The following ROBO2 variants were observed in gnomAD, a reference collection of about 807,000 sequenced individuals.
ROBO2 encodes the protein roundabout guidance receptor 2, also known as roundabout homolog 2.
A neutral mutation model predicts 160.8 loss-of-function variants in ROBO2; 53 were observed. That is an observed-to-expected ratio of 0.33 (90% CI 0.26 to 0.41). The LOEUF (loss-of-function observed/expected upper bound fraction) is 0.41. ROBO2 is among the 10% of genes least tolerant of loss of function. The pLI is 1.00. For missense variants in ROBO2, 1,577 were observed against 1,722.4 expected (o/e 0.92, Z 1.49); for synonymous variants, 664 against 611.7 (o/e 1.09, Z -1.26).
intron 2 of ROBO2, among the ~76,000 whole-genome samples, chr3:76,256,764 A>G (rs1485683371): frequency 6.6e-6 from 1 of 152,008 alleles, no homozygotes; most frequent in Non-Finnish European, 1.5e-5. Flanking sequence ...TGGGTAATTT[A>G]TAAGAAAAAG....
chr3:77,188,983 G>GAA (rs1553829033), intron 2 of ROBO2, among the ~76,000 whole-genome samples: 42 of 148,468 alleles, frequency 2.8e-4, no homozygotes, highest in South Asian at 1.3e-3. Flanking sequence ...GAGAGAGAGA[G>GAA]AGAGAGAGAG....
chr3:76,792,299 C>T lies in ROBO2; in HGVS notation c.110-305715C>T, dbSNP rs189517585. The stretch of plus-strand genomic sequence containing the variant: ...TATTTGAGAATGTATACTTAACTGT[C>T]TAAATTTTCTTAAATTATGCTATAT... On this transcript the variant is annotated intron_variant, in intron 2 of 26. Coordinates refer to the ROBO2 transcript ENST00000487694. Among the ~76,000 whole-genome samples, 19 of 151,888 alleles carry T rather than the reference C, an allele frequency of 1.3e-4. No individual in the cohort carries two copies. The East Asian group carries it at 3.5e-3, about 28-fold the overall frequency.
At chr3:77,253,505 C>T (rs2090610474) in intron 2 of ROBO2, among the ~76,000 whole-genome samples, 1 of 152,054 alleles carries the variant, frequency 6.6e-6, no homozygotes, top group African/African-American at 2.4e-5. Context: ...AAAATTAAAT[C>T]TGGTATTCTT....
intron 14 of ROBO2, among the ~76,000 whole-genome samples, chr3:77,577,210 C>T (rs541657484): frequency 2.7e-4 from 41 of 152,202 alleles, no homozygotes; most frequent in African/African-American, 9.6e-4. Flanking sequence ...AAACCTGACA[C>T]TTAGCTCTGT....
intron 2 of ROBO2, among the ~76,000 whole-genome samples, chr3:76,555,413 A>G (rs1475294196): frequency 1.5e-5 from 1 of 68,824 alleles, no homozygotes; most frequent in African/African-American, 3.0e-5. Flanking sequence ...AAGAAGAAGA[A>G]GAAGAAAGAA....
rs189339887 is a variant in ROBO2, at chr3:76,042,276, G to A, written c.109+104674G>A. Reference sequence around the variant, plus strand: ...TGATTTTAATGCATGATATGCAGGTGTATATAAGAACTTTGCTAATAGTTG... The same window carrying A: ...TGATTTTAATGCATGATATGCAGGTATATATAAGAACTTTGCTAATAGTTG... On this transcript the variant is annotated intron_variant, in intron 2 of 26. Coordinates refer to the ROBO2 transcript ENST00000487694. 9.1e-4 allele frequency among the ~76,000 whole-genome samples: 139 copies of A among 152,110 alleles called. 2 individuals carry two copies. The highest frequency in any genetic ancestry group is 3.2e-3 in the African/African-American group (132 of 41,394).
At chr3:77,381,375 T>C (rs189268026) in intron 2 of ROBO2, among the ~76,000 whole-genome samples, 2 of 152,092 alleles carry the variant, frequency 1.3e-5, no homozygotes, top group East Asian at 1.9e-4. Context: ...ATAGAATCTA[T>C]AGAAGGTCTA....
chr3:76,716,378 C>T (rs2093379427), intron 2 of ROBO2, among the ~76,000 whole-genome samples: 1 of 152,140 alleles, frequency 6.6e-6, no homozygotes, highest in East Asian at 1.9e-4. Context: ...TTTTCTCACC[C>T]ATCTTTTCCT....
At chr3:77,105,529 AT>A (rs2072676895) in intron 2 of ROBO2, among the ~76,000 whole-genome samples, 1 of 152,078 alleles carries the variant, frequency 6.6e-6, no homozygotes, top group Non-Finnish European at 1.5e-5. Context: ...GTGCCTTTTA[AT>A]TTTGCCATAC....
At chr3:76,525,538 G>GA (rs1228954443) in intron 2 of ROBO2, among the ~76,000 whole-genome samples, 2 of 151,768 alleles carry the variant, frequency 1.3e-5, no homozygotes, top group Non-Finnish European at 2.9e-5. Flanking sequence ...TATTTAAACT[G>GA]AAAAAAATTC....
chr3:76,282,490 A>G (rs1268422595), intron 2 of ROBO2, among the ~76,000 whole-genome samples: 3 of 152,088 alleles, frequency 2.0e-5, no homozygotes, highest in African/African-American at 7.2e-5. Flanking sequence ...TCTAAAAAAT[A>G]GCTAGTCATT....
At chr3:76,663,562 C>G (rs1265878131) in intron 2 of ROBO2, among the ~76,000 whole-genome samples, 1 of 152,012 alleles carries the variant, frequency 6.6e-6, no homozygotes, top group Admixed American at 6.6e-5. Context: ...TAATGACAGA[C>G]AAGTGACTGA....
At position 75,991,772 on chromosome 3, in the gene ROBO2, G is replaced by A. The variant is rs116275867; in HGVS notation, c.109+54170G>A. Among the ~76,000 whole-genome samples, 1,077 of 152,214 alleles carry A rather than the reference G, an allele frequency of 7.1e-3. 15 individuals carry two copies. Among genetic ancestry groups the A allele is most frequent in the Middle Eastern group, 0.054 (16 of 294 alleles). ...GGAAAATTTGGAACTCCCTAGAGAC[G>A]TGTTGAATGGCTTTGACTAAAATGC... On this transcript the variant is annotated intron_variant, in intron 2 of 26. Transcript: ENST00000487694.
intron 2 of ROBO2, among the ~76,000 whole-genome samples, chr3:77,360,025 T>C (rs2069698297): frequency 6.6e-6 from 1 of 152,100 alleles, no homozygotes; most frequent in African/African-American, 2.4e-5. Flanking sequence ...GCTGCATAGA[T>C]GCCAAGTGTA....
At chr3:76,915,584 C>T (rs551640254) in intron 2 of ROBO2, among the ~76,000 whole-genome samples, 107 of 148,888 alleles carry the variant, frequency 7.2e-4, no homozygotes, top group African/African-American at 2.6e-3. Context: ...GCAGGAGGCT[C>T]ACTTGAACCT....
chr3:76,883,045 A>T (rs993349890), intron 2 of ROBO2, among the ~76,000 whole-genome samples: 1 of 152,166 alleles, frequency 6.6e-6, no homozygotes, highest in Admixed American at 6.5e-5. Context: ...TGCTTACATG[A>T]TCCCAAACAA....
intron 2 of ROBO2, among the ~76,000 whole-genome samples, chr3:76,767,834 G>A (rs531802196): frequency 1.3e-5 from 2 of 151,452 alleles, no homozygotes; most frequent in South Asian, 2.1e-4. Flanking sequence ...AGCCATTGAC[G>A]TGCTTACATC....
intron 2 of ROBO2, among the ~76,000 whole-genome samples, chr3:76,320,279 A>C (rs538084491): frequency 8.5e-5 from 13 of 152,298 alleles, no homozygotes; most frequent in Admixed American, 2.6e-4. Context: ...TAATATGACT[A>C]TATTCTTATG....
At chr3:76,104,837 C>A (rs1233691428) in intron 2 of ROBO2, among the ~76,000 whole-genome samples, 1 of 152,162 alleles carries the variant, frequency 6.6e-6, no homozygotes, top group Non-Finnish European at 1.5e-5. Flanking sequence ...AGGAATGACA[C>A]TTGAATCTTA....
Sources: gnomAD v4.1 joint callset for allele counts (sites outside exome capture counted in the v4.1 genomes callset) on GRCh38, gnomAD v4.1.1 for gene constraint, MANE v1.5 for transcripts, NCBI Gene and HGNC (gene_info 2026-07-23, HGNC 2026-07-21) for gene names.